ABCC10: variants seen among roughly 807,000 people sequenced by gnomAD.
The protein encoded by ABCC10 is ATP-binding cassette sub-family C member 10.
Under a neutral mutation model 143.2 loss-of-function variants are expected in ABCC10, and 110 were observed. That is an observed-to-expected ratio of 0.77 (90% confidence interval 0.66 to 0.90). The LOEUF is 0.90. Among genes scored for constraint, ABCC10 ranks in the 40% least tolerant of loss-of-function variants. The probability of loss-of-function intolerance (pLI) is 0.00; values close to 1 mark genes in which losing one functional copy is unlikely to be tolerated. For synonymous variants in ABCC10, 805 were observed against 846.7 expected, an observed-to-expected ratio of 0.95 and a Z score of 0.85; for missense variants, 1,700 against 1,900.5, an observed-to-expected ratio of 0.89 and a Z score of 1.96.
intron 3 of ABCC10, among the ~76,000 whole-genome samples, chr6:43,434,177 C>G (rs952121459): frequency 1.3e-5 from 2 of 152,272 alleles, no homozygotes; most frequent in Non-Finnish European, 2.9e-5. Flanking sequence ...CTGTGTACTT[C>G]TACAGGAATA....
chr6:43,446,443 C>G lies in ABCC10; in HGVS notation c.3541C>G (p.Pro1181Ala). The part of the protein sequence containing the change: ...LVQHQQGLAN[P>A]GLVGLSLSYA... ...GCAGCACCAGCAGGGCCTCGCTAAC[C>G]CAGGTGCCACCCAGGACCCCTCACC... The change falls in exon 16 of 22, where the codon CCA (proline) becomes GCA (alanine). Residue 1181 changes from proline to alanine, a missense_variant. Physicochemically the swap from Pro to Ala is conservative, Grantham distance 27. Transcript: ENST00000372530. 1 of 1,610,032 alleles carries G rather than the reference C, an allele frequency of 6.2e-7. No individual in the cohort carries two copies. The highest frequency in any genetic ancestry group is 8.5e-7 in the Non-Finnish European group (1 of 1,179,046).
In ABCC10 at chr6:43,444,895, C is replaced by T; in HGVS notation, c.2797C>T (p.Leu933Phe). ...QPSTSPASMG[L>F]FSPQLLLFSP... ...CTCCACCAGCCCAGCTTCTATGGGG[C>T]TCTTCTCTCCGCAGCTGCTCCTCTT... Residue 933 changes from leucine (L) to phenylalanine (F), a missense_variant, in exon 13 of 22, where the codon CTC becomes TTC. By Grantham distance (22) the Leu-to-Phe change is conservative. Coordinates refer to ENST00000372530, the MANE Select transcript of ABCC10 (RefSeq NM_001198934.2). 1.2e-6 allele frequency: 2 copies of T among 1,613,994 alleles called. No homozygotes were observed. Among genetic ancestry groups the T allele is most frequent in the Non-Finnish European group, 1.7e-6 (2 of 1,179,922 alleles).
intron 7 of ABCC10, 83 bp from the exon 8 acceptor site, chr6:43,438,541 G>A: frequency 6.5e-7 from 1 of 1,538,262 alleles, no homozygotes; most frequent in Non-Finnish European, 8.7e-7. Flanking sequence ...AGCAGCCTGG[G>A]GAGGCTTCTA....
chr6:43,450,694 G>A (rs1330319456), downstream of ABCC10: 12 of 1,613,838 alleles, frequency 7.4e-6, no homozygotes, highest in African/African-American at 1.3e-5. This position sits in a 1 kb window ranked among gnomAD's most constrained non-coding sequence, Gnocchi z 4.5. Flanking sequence ...ACACCCCGGC[G>A]CCAGGCCCTC....
intron 5 of ABCC10, 56 bp downstream of exon 5, chr6:43,435,963 A>T: frequency 6.2e-7 from 1 of 1,609,656 alleles, no homozygotes; most frequent in Non-Finnish European, 8.5e-7. Context: ...AAGTGGAGCC[A>T]CTTGGGTGCT....
chr6:43,445,476 A>G (rs2127407850), intron 14 of ABCC10, 123 bp from the exon 15 acceptor site: 2 of 1,359,326 alleles, frequency 1.5e-6, no homozygotes, highest in Non-Finnish European at 2.0e-6. Context: ...AATTCTGGGG[A>G]TATTTTAGTC....
intron 2 of ABCC10, among the ~76,000 whole-genome samples, chr6:43,429,854 C>T (rs11969360): frequency 0.043 from 6,590 of 152,210 alleles, 225 homozygotes; most frequent in Non-Finnish European, 0.065. Context: ...CATCTTGAAT[C>T]GCTTGAACCC....
rs1341252366 is a variant in ABCC10 at position 43,447,870 on chromosome 6, G to A, written c.3892G>A (p.Glu1298Lys). ...GTTGTTGGTGCTCTTCCGGCTGCTA[G>A]AGCCCAGTTCAGGGCGAGTGCTGCT... is the stretch of plus-strand genomic sequence containing the variant. ...SLLLVLFRLL[E>K]PSSGRVLLDG... The change falls in exon 18 of 22, where the codon GAG becomes AAG. Residue 1298 changes from glutamate to lysine, a missense_variant. Transcript: ENST00000372530. 1 of 1,613,842 alleles carries A rather than the reference G, an allele frequency of 6.2e-7. No homozygotes were observed. Among genetic ancestry groups the A allele is most frequent in the Non-Finnish European group, 8.5e-7 (1 of 1,180,050 alleles).
Position 43,450,031 on chromosome 6 carries a change from G to A in ABCC10, c.4419G>A (p.Leu1473=), listed in dbSNP as rs766398406. 2 of 1,612,890 alleles carry A rather than the reference G, an allele frequency of 1.2e-6. No homozygotes were observed. The highest frequency in any genetic ancestry group is 1.1e-5 in the South Asian group (1 of 90,998). The change falls in exon 22 of 22, where the codon CTG becomes CTA. Residue 1473 remains leucine, a synonymous_variant. Coordinates refer to ENST00000372530, the MANE Select transcript of ABCC10 (RefSeq NM_001198934.2). This position sits in a 1 kb window ranked among gnomAD's most constrained non-coding sequence, Gnocchi z 4.5. ...PATLRNQPHS[L]FQQLLQSSQQ... ...CCCTGCGCAACCAGCCCCACTCCCT[G>A]TTCCAGCAGCTGCTGCAGAGCAGCC... is the stretch of plus-strand genomic sequence containing the variant.
chr6:43,438,000 G>A lies in ABCC10; in HGVS notation c.1942G>A (p.Gly648Arg), dbSNP rs763007182. 1 of 1,612,532 alleles carries A rather than the reference G, an allele frequency of 6.2e-7. No individual in the cohort carries two copies. Among genetic ancestry groups the A allele is most frequent in the Non-Finnish European group, 8.5e-7 (1 of 1,179,394 alleles). Residue 648 changes from glycine (G) to arginine (R), a missense_variant, in exon 7 of 22, where the codon GGA becomes AGA. Physicochemically the swap from Gly to Arg is moderately radical, Grantham distance 125 (BLOSUM62 -2). Coordinates refer to ENST00000372530, the MANE Select transcript of ABCC10 (RefSeq NM_001198934.2). ...GAGCTCCCTGCTGGCTGCCATCGCT[G>A]GAGAGCTCCACAGGTAACCAACCTC... ...GKSSLLAAIA[G>R]ELHRLRGHVA...
chr6:43,447,752 G>A lies in ABCC10; in HGVS notation c.3774G>A (p.Gly1258=). ...FQDVVLAYRP[G]LPNALDGVTF... is the part of the protein sequence containing the mutation. ...ACGTGGTGTTGGCGTACCGGCCAGGGCTGCCGAATGCCCTGGATGGAGTGA... is the reference window on the plus strand; with the variant it reads ...ACGTGGTGTTGGCGTACCGGCCAGGACTGCCGAATGCCCTGGATGGAGTGA... Residue 1258 remains glycine, a synonymous_variant, in exon 18 of 22, where the codon GGG becomes GGA. Transcript: ENST00000372530. 6.2e-7 allele frequency: 1 copy of A among 1,613,922 alleles called. No individual in the cohort carries two copies.
In ABCC10 at chr6:43,446,417, T is replaced by C. The variant is rs201682703; in HGVS notation, c.3515T>C (p.Val1172Ala). 5.5e-5 allele frequency: 88 copies of C among 1,612,148 alleles called. No individual in the cohort carries two copies. The highest frequency in any genetic ancestry group is 7.3e-5 in the Non-Finnish European group (86 of 1,179,730). ...VVSAIAGIALVQHQQGLANPG... is the reference protein window; with the variant it reads ...VVSAIAGIALAQHQQGLANPG... ...AGCGCTATCGCAGGCATCGCTCTGG[T>C]GCAGCACCAGCAGGGCCTCGCTAAC... Residue 1172 changes from valine (V) to alanine (A), a missense_variant, in exon 16 of 22, where the codon GTG becomes GCG. Transcript: ENST00000372530.
At chr6:43,430,938 G>A (rs1348953872) in intron 2 of ABCC10, 3 of 151,988 alleles carry the variant, frequency 2.0e-5, no homozygotes, top group African/African-American at 7.2e-5. Flanking sequence ...TGGCCAGGCT[G>A]GTCTCAAACT....
downstream of ABCC10, chr6:43,451,793 C>T (rs1469311067): frequency 7.1e-6 from 10 of 1,403,990 alleles, no homozygotes; most frequent in African/African-American, 1.5e-5. This position sits in a 1 kb window ranked among gnomAD's most constrained non-coding sequence, Gnocchi z 4.4. Context: ...GAACTAGGAA[C>T]ACTTTGGCAT....
At chr6:43,429,372 TTGTGTGTGTGTG>T (rs1201780354) in intron 2 of ABCC10, among the ~76,000 whole-genome samples, 6 of 98,186 alleles carry the variant, frequency 6.1e-5, no homozygotes, top group African/African-American at 1.5e-4. Context: ...CTTTTCTTTC[TTGTGTGTGTGTG>T]TGTGTGTGTG....
At chr6:43,449,338 G>A (rs1783495686) in intron 20 of ABCC10, 84 bp from the exon 21 acceptor site, 4 of 1,494,288 alleles carry the variant, frequency 2.7e-6, no homozygotes, top group Non-Finnish European at 3.7e-6. Context: ...GGGAGCTGTG[G>A]TAGGGGCTGT....
Position 43,443,856 on chromosome 6 carries a change from G to A in ABCC10, c.2417-77G>A. On this transcript the variant is annotated intron_variant, in intron 10 of 21. Coordinates refer to ENST00000372530, the MANE Select transcript of ABCC10 (RefSeq NM_001198934.2). The surrounding 1 kb of genome is among the most constrained non-coding windows in gnomAD (Gnocchi z 4.2). ...GGGAGGCCTGAGAGGATGAGAGGTG[G>A]GATCTGCACACGCACTGAGAAAGGC... is the stretch of plus-strand genomic sequence containing the variant. 1 of 1,406,724 alleles carries A rather than the reference G, an allele frequency of 7.1e-7. No homozygotes were observed. Among genetic ancestry groups the A allele is most frequent in the Non-Finnish European group, 1.0e-6 (1 of 991,896 alleles). The allele number at this position is 1,406,724 out of a possible 1,614,324, so 87.1% of individuals were successfully genotyped here.
At chr6:43,429,100 G>A (rs1242024637) in intron 2 of ABCC10, among the ~76,000 whole-genome samples, 1 of 152,216 alleles carries the variant, frequency 6.6e-6, no homozygotes, top group African/African-American at 2.4e-5. Flanking sequence ...AGCCTTGTGT[G>A]TGTTGCTGAG....
chr6:43,432,452 G>T lies in ABCC10; in HGVS notation c.472G>T (p.Gly158Cys). 6.2e-7 allele frequency: 1 copy of T among 1,611,848 alleles called. No homozygotes were observed. The change falls in exon 3 of 22, where the codon GGC (glycine) becomes TGC (cysteine). Residue 158 changes from glycine (G) to cysteine (C), a missense_variant. By Grantham distance (159) the Gly-to-Cys change is radical. Transcript: ENST00000372530. Reference protein sequence around the residue: ...VLTVLWHCQRGTLLPPLLPGP... With the variant: ...VLTVLWHCQRCTLLPPLLPGP... ...GACCGTGTTGTGGCATTGCCAGCGA[G>T]GCACACTTCTGCCCCCACTTCTCCC...
Sources: gnomAD v4.1 joint callset for allele counts (sites outside exome capture counted in the v4.1 genomes callset) on GRCh38, gnomAD v4.1.1 for gene constraint, Gnocchi (gnomAD v3.1) non-coding constraint, MANE v1.5 for transcripts, NCBI Gene and HGNC (gene_info 2026-07-23, HGNC 2026-07-21) for gene names.